The following PTPRD variants were observed in gnomAD, a reference collection of about 807,000 sequenced individuals.
PTPRD encodes the protein receptor-type tyrosine-protein phosphatase delta.
Under a neutral mutation model 214.5 loss-of-function variants are expected in PTPRD, and 34 were observed. That is an observed-to-expected ratio of 0.16 (90% CI 0.12 to 0.21). The LOEUF (loss-of-function observed/expected upper bound fraction) is 0.21, where lower values mean the gene tolerates loss of function less well. PTPRD is among the 10% of genes least tolerant of loss of function. PTPRD has a pLI of 1.00. For synonymous variants in PTPRD, 1,128 were observed against 845.7 expected (o/e 1.33, Z -5.79); for missense variants, 2,545 against 2,398.7 (o/e 1.06, Z -1.27).
At chr9:9,586,381 G>T (rs1592254721) in intron 7 of PTPRD, among the ~76,000 whole-genome samples, 1 of 151,914 alleles carries the variant, frequency 6.6e-6, no homozygotes, top group Admixed American at 6.6e-5. Context: ...TGGCATAATG[G>T]AAATGATTAT....
intron 10 of PTPRD, among the ~76,000 whole-genome samples, chr9:9,178,885 C>T (rs373649695): frequency 1.3e-5 from 2 of 152,182 alleles, no homozygotes; most frequent in East Asian, 3.9e-4. Flanking sequence ...ATTAACCTTC[C>T]CTTAATTAGA....
intron 35 of PTPRD, among the ~76,000 whole-genome samples, chr9:8,429,573 G>C (rs2094911342): frequency 6.6e-6 from 1 of 152,136 alleles, no homozygotes. Context: ...AATACATATT[G>C]TTATAAAAAC....
chr9:9,432,506 A>G (rs1043338739), intron 8 of PTPRD, among the ~76,000 whole-genome samples: 63 of 152,200 alleles, frequency 4.1e-4, no homozygotes, highest in African/African-American at 1.4e-3. Context: ...TTGATCCAAC[A>G]AGAAATAGCC....
chr9:8,667,076 C>T (rs1307648093), intron 12 of PTPRD, among the ~76,000 whole-genome samples: 15 of 152,208 alleles, frequency 9.9e-5, no homozygotes, highest in African/African-American at 2.7e-4. Flanking sequence ...CCATGGCTCA[C>T]GCCTATAATC....
intron 26 of PTPRD, among the ~76,000 whole-genome samples, chr9:8,493,552 C>G (rs1271923457): frequency 6.6e-6 from 1 of 152,110 alleles, no homozygotes; most frequent in Non-Finnish European, 1.5e-5. Context: ...GACCTAGATA[C>G]CCTGAGAGAG....
At chr9:9,988,192 T>C (rs1806778789) in intron 4 of PTPRD, among the ~76,000 whole-genome samples, 1 of 152,198 alleles carries the variant, frequency 6.6e-6, no homozygotes, top group South Asian at 2.1e-4. Context: ...CACATAATTA[T>C]TTATTGAACA....
intron 3 of PTPRD, among the ~76,000 whole-genome samples, chr9:10,113,738 C>T (rs557063565): frequency 6.6e-6 from 1 of 152,176 alleles, no homozygotes; most frequent in Admixed American, 6.5e-5. Flanking sequence ...TGCTTCGCCA[C>T]TTTAATGTGG....
At chr9:9,520,134 C>A (rs1401066569) in intron 8 of PTPRD, among the ~76,000 whole-genome samples, 3 of 143,232 alleles carry the variant, frequency 2.1e-5, no homozygotes, top group African/African-American at 7.3e-5. Context: ...TAAAAGTGTT[C>A]TCACCTCAAT....
rs200424801 is a variant in PTPRD, at chr9:10,518,774, T to C, written c.-600+93624A>G. ...GTCTTGATCTCCTGACCTCGTGATC[T>C]GCCCGCCTTGGCCTCCCAAAGTGCT... On this transcript the variant is annotated intron_variant, in intron 2 of 45. Coordinates refer to ENST00000381196, the MANE Select transcript of PTPRD (RefSeq NM_002839.4). Among the ~76,000 whole-genome samples, 298 of 152,132 alleles carry C rather than the reference T, an allele frequency of 2.0e-3. 3 individuals carry two copies. In the East Asian group the frequency reaches 0.035, roughly 18 times the overall value.
chr9:9,788,551 C>CAAA (rs371559861), intron 5 of PTPRD, among the ~76,000 whole-genome samples: 16 of 117,398 alleles, frequency 1.4e-4, no homozygotes, highest in African/African-American at 4.3e-4. Context: ...AGCTCCGTCT[C>CAAA]AAAAAAAAAA....
chr9:10,358,250 T>C (rs2097313506), intron 2 of PTPRD, among the ~76,000 whole-genome samples: 1 of 152,098 alleles, frequency 6.6e-6, no homozygotes, highest in Non-Finnish European at 1.5e-5. Context: ...CAAAAGATAA[T>C]ACTTTTGTCC....
intron 11 of PTPRD, among the ~76,000 whole-genome samples, chr9:8,917,898 T>C (rs2098797986): frequency 6.6e-6 from 1 of 152,198 alleles, no homozygotes; most frequent in Admixed American, 6.5e-5. Context: ...TTCATGTGTG[T>C]GCATGTGCAT....
chr9:9,478,110 G>A (rs1203303866), intron 8 of PTPRD, among the ~76,000 whole-genome samples: 1 of 148,092 alleles, frequency 6.8e-6, no homozygotes, highest in African/African-American at 2.5e-5. Flanking sequence ...GGTTTTTTTA[G>A]ATTATGCGTA....
chr9:10,239,094 C>G (rs544892590), intron 3 of PTPRD, among the ~76,000 whole-genome samples: 32 of 151,986 alleles, frequency 2.1e-4, no homozygotes, highest in South Asian at 4.1e-4. Flanking sequence ...ACATAAAACA[C>G]AAAGGATTCT....
chr9:9,025,604 T>C (rs187103005), intron 10 of PTPRD, among the ~76,000 whole-genome samples: 217 of 152,132 alleles, frequency 1.4e-3, no homozygotes, highest in African/African-American at 5.1e-3. Flanking sequence ...TAAAATATCT[T>C]ACTTTACTAT....
At chr9:10,507,271 C>G (rs1336048109) in intron 2 of PTPRD, among the ~76,000 whole-genome samples, 1 of 152,062 alleles carries the variant, frequency 6.6e-6, no homozygotes, top group African/African-American at 2.4e-5. Flanking sequence ...ATGATAACTA[C>G]AAACCACTGC....
At chr9:8,500,185 A>C (rs1322961370) in intron 24 of PTPRD, among the ~76,000 whole-genome samples, 1 of 152,112 alleles carries the variant, frequency 6.6e-6, no homozygotes, top group African/African-American at 2.4e-5. Flanking sequence ...CATTGAAATA[A>C]TAACAAAAAC....
intron 11 of PTPRD, among the ~76,000 whole-genome samples, chr9:9,003,349 T>C (rs1041008956): frequency 1.3e-5 from 2 of 152,028 alleles, no homozygotes; most frequent in African/African-American, 4.8e-5. Flanking sequence ...GTCTGGCTGT[T>C]GCATCTGAGC....
chr9:10,294,966 A>G (rs1446881811), intron 3 of PTPRD, among the ~76,000 whole-genome samples: 2 of 149,952 alleles, frequency 1.3e-5, no homozygotes, highest in East Asian at 1.9e-4. Flanking sequence ...TCAATTTACC[A>G]TAGTAAGTTC....
Sources: allele counts gnomAD v4.1 joint callset (sites outside exome capture counted in the v4.1 genomes callset), GRCh38; gene constraint gnomAD v4.1.1; transcripts MANE v1.5; gene names NCBI Gene and HGNC (gene_info 2026-07-23, HGNC 2026-07-21).